The following CYP3A4 variants were observed in gnomAD, a reference collection of about 807,000 sequenced individuals.
CYP3A4 encodes the protein cytochrome P450 3A4.
Under a neutral mutation model 54.9 loss-of-function variants are expected in CYP3A4, and 41 were observed. That is an observed-to-expected ratio of 0.75 (90% CI 0.58 to 0.97). The LOEUF is 0.97. CYP3A4 is among the 50% of genes least tolerant of loss of function. The pLI, the probability that CYP3A4 is intolerant of heterozygous loss-of-function variation, is 0.00. For synonymous variants in CYP3A4, 179 were observed against 205.2 expected, an observed-to-expected ratio of 0.87 and a Z score of 1.09; for missense variants, 510 against 597.3, an observed-to-expected ratio of 0.85 and a Z score of 1.52.
chr7:99,765,507 C>G (rs1014521989), intron 9 of CYP3A4, among the ~76,000 whole-genome samples: 8 of 151,538 alleles, frequency 5.3e-5, no homozygotes, highest in Non-Finnish European at 1.0e-4. Context: ...TAGATAGATA[C>G]ATAGCTAGAT....
At chr7:99,762,329 A>T in intron 10 of CYP3A4, 62 bp from the exon 11 acceptor site, 1 of 1,565,264 alleles carries the variant, frequency 6.4e-7, no homozygotes, top group Non-Finnish European at 8.7e-7. Context: ...AACTCAGTCC[A>T]TGCAGTACTA....
intron 9 of CYP3A4, among the ~76,000 whole-genome samples, chr7:99,765,345 AAT>A (rs1383925199): frequency 3.3e-5 from 5 of 152,234 alleles, no homozygotes; most frequent in African/African-American, 1.2e-4. Context: ...ACAGTAAAAC[AAT>A]AGACTATTTC....
intron 1 of CYP3A4, among the ~76,000 whole-genome samples, chr7:99,783,277 GC>G (rs1815972524): frequency 6.6e-6 from 1 of 152,146 alleles, no homozygotes; most frequent in African/African-American, 2.4e-5. Flanking sequence ...CTCTAGGATG[GC>G]AGGATCCCAC....
chr7:99,763,452 A>C (rs932835063), intron 10 of CYP3A4, among the ~76,000 whole-genome samples: 2 of 152,192 alleles, frequency 1.3e-5, no homozygotes, highest in Non-Finnish European at 2.9e-5. Context: ...AAAAGAGCAA[A>C]TTCCTGTGTC....
At position 99,769,804 on chromosome 7, in the gene CYP3A4, C is replaced by T. The variant is rs4986907; in HGVS notation, c.485G>A (p.Arg162Gln). The stretch of plus-strand genomic sequence containing the variant: ...GACAGGCTTGCCTGTCTCTGCTTCC[C>T]GCCTCAGATTTCTCACCAACACATC... ...YGDVLVRNLR[R>Q]EAETGKPVTL... Residue 162 changes from arginine (R) to glutamine (Q), a missense_variant, in exon 6 of 13, where the codon CGG (arginine) becomes CAG (glutamine). Transcript: ENST00000651514. 1.7e-3 allele frequency: 2,709 copies of T among 1,613,964 alleles called. 39 individuals carry two copies. In the African/African-American group the frequency reaches 0.027, roughly 16 times the overall value.
rs1057291102 is a variant in CYP3A4 at position 99,757,799 on chromosome 7, T to C, written c.*334A>G. The C allele has an allele frequency of 4.6e-6, 1 of 219,026 alleles. No homozygotes were observed. Among genetic ancestry groups the C allele is most frequent in the African/African-American group, 2.3e-5 (1 of 43,620 alleles). 13.6% of individuals were successfully genotyped at this position (219,026 alleles called of 1,614,324 possible). A position where few individuals can be genotyped will look rare whatever the true frequency, so the allele number is the denominator to read the frequency against. On this transcript the variant is annotated 3_prime_UTR_variant, in exon 13 of 13. Coordinates refer to ENST00000651514, the MANE Select transcript of CYP3A4 (RefSeq NM_017460.6). The stretch of plus-strand genomic sequence containing the variant: ...AATTCTTATTTTCATTAATAATTTG[T>C]GGAGGAAATTATTGAGAAATGTTGA...
intron 12 of CYP3A4, among the ~76,000 whole-genome samples, chr7:99,760,077 C>T (rs1285318784): frequency 2.0e-5 from 3 of 152,014 alleles, no homozygotes; most frequent in African/African-American, 4.8e-5. Context: ...CCTCATGATC[C>T]GCCTGCTTCG....
intron 1 of CYP3A4, among the ~76,000 whole-genome samples, chr7:99,780,987 C>A (rs1192657028): frequency 3.9e-5 from 6 of 152,198 alleles, no homozygotes. Context: ...ACCAAAATCT[C>A]ATGTTGAAAT....
chr7:99,760,570 A>C (rs975807237), intron 12 of CYP3A4, among the ~76,000 whole-genome samples: 2 of 152,212 alleles, frequency 1.3e-5, no homozygotes, highest in African/African-American at 4.8e-5. Flanking sequence ...AACTTTGCTC[A>C]AGTTCAAGGA....
intron 1 of CYP3A4, among the ~76,000 whole-genome samples, chr7:99,780,950 A>C (rs1349456699): frequency 6.6e-6 from 1 of 152,224 alleles, no homozygotes; most frequent in Non-Finnish European, 1.5e-5. Flanking sequence ...GCACAGTGCC[A>C]GTGATATGGT....
At chr7:99,762,003 C>T (rs1255043847) in intron 11 of CYP3A4, 38 bp downstream of exon 11, 7 of 1,576,642 alleles carry the variant, frequency 4.4e-6, no homozygotes, top group Non-Finnish European at 6.1e-6. Flanking sequence ...TTGAACCAGG[C>T]TGGTTCAGGG....
chr7:99,762,327 C>T, intron 10 of CYP3A4, 60 bp from the exon 11 acceptor site: 2 of 1,566,654 alleles, frequency 1.3e-6, no homozygotes, highest in Non-Finnish European at 1.7e-6. Context: ...TTAACTCAGT[C>T]CATGCAGTAC....
At chr7:99,776,457 A>T (rs550113811) in intron 3 of CYP3A4, among the ~76,000 whole-genome samples, 4 of 152,358 alleles carry the variant, frequency 2.6e-5, no homozygotes, top group African/African-American at 9.6e-5. Flanking sequence ...TCCATCAGTG[A>T]CAGACTGGAT....
Position 99,757,944 on chromosome 7 carries a change from T to A in CYP3A4, c.*189A>T, listed in dbSNP as rs1815219431. 1.8e-6 allele frequency: 1 copy of A among 560,586 alleles called. No individual in the cohort carries two copies. The highest frequency in any genetic ancestry group is 3.2e-6 in the Non-Finnish European group (1 of 314,156). The allele number at this position is 560,586 out of a possible 1,614,324, so 34.7% of individuals were successfully genotyped here. ...CACTGATTTGGTCACCTCCTTTATATTCCCAAGTATAACACTCTACACAGA... is the reference window on the plus strand; with the variant it reads ...CACTGATTTGGTCACCTCCTTTATAATCCCAAGTATAACACTCTACACAGA... On this transcript the variant is annotated 3_prime_UTR_variant, in exon 13 of 13. Coordinates refer to ENST00000651514, the MANE Select transcript of CYP3A4 (RefSeq NM_017460.6).
At chr7:99,760,741 T>A in intron 12 of CYP3A4, 78 bp downstream of exon 12, 1 of 1,531,994 alleles carries the variant, frequency 6.5e-7, no homozygotes, top group Non-Finnish European at 8.9e-7. Flanking sequence ...TAAACAAGCA[T>A]ATTCTTTTTA....
At chr7:99,779,907 C>G in intron 2 of CYP3A4, 85 bp downstream of exon 2, 1 of 1,291,868 alleles carries the variant, frequency 7.7e-7, no homozygotes, top group Non-Finnish European at 1.1e-6. Flanking sequence ...CAGACCTTCC[C>G]CCTGAGGAGA....
rs1347102426 is a variant in CYP3A4, at chr7:99,778,106, T to G, written c.166-26A>C. On this transcript the variant is annotated intron_variant, in intron 2 of 12. Coordinates refer to ENST00000651514, the MANE Select transcript of CYP3A4 (RefSeq NM_017460.6). ...CTGGGAGGAGAAACAAAATAATATT[T>G]GATTATTATTTTTAATGTACTTAAC... 1.3e-6 allele frequency: 2 copies of G among 1,564,984 alleles called. 1 individual carries two copies. The highest frequency in any genetic ancestry group is 2.2e-5 in the South Asian group (2 of 89,444).
chr7:99,760,697 A>G, intron 12 of CYP3A4, 122 bp downstream of exon 12: 1 of 1,310,474 alleles, frequency 7.6e-7, no homozygotes, highest in South Asian at 1.5e-5. Context: ...GGCCTAATTG[A>G]TTCTTTGGCC....
At chr7:99,767,627 G>GTAGTCAAGA (rs773300503) in intron 7 of CYP3A4, among the ~76,000 whole-genome samples, 1 of 152,144 alleles carries the variant, frequency 6.6e-6, no homozygotes, top group Non-Finnish European at 1.5e-5. Flanking sequence ...GAAATAGTAG[G>GTAGTCAAGA]TAGTCAAGAT....
Sources: allele counts gnomAD v4.1 joint callset (sites outside exome capture counted in the v4.1 genomes callset), GRCh38; gene constraint gnomAD v4.1.1; transcripts MANE v1.5; gene names NCBI Gene and HGNC (gene_info 2026-07-23, HGNC 2026-07-21).